REV3L: variants seen among roughly 807,000 people sequenced by gnomAD.
The protein encoded by REV3L is DNA polymerase zeta catalytic subunit.
REV3L carries 69 observed loss-of-function variants against 299.4 expected under a neutral mutation model. The observed-to-expected ratio is 0.23, with a 90% CI of 0.19 to 0.28. REV3L has a LOEUF of 0.28. REV3L is among the 10% of genes least tolerant of loss of function. REV3L has a pLI of 1.00. For missense variants in REV3L, 3,128 were observed against 3,693.8 expected, an observed-to-expected ratio of 0.85 and a Z score of 3.97; for synonymous variants, 1,238 against 1,271.4, an observed-to-expected ratio of 0.97 and a Z score of 0.56.
chr6:111,406,119 A>G (rs1049630508), intron 3 of REV3L, among the ~76,000 whole-genome samples: 29 of 152,214 alleles, frequency 1.9e-4, no homozygotes, highest in African/African-American at 6.8e-4. Context: ...GAAATACATT[A>G]AACATCTAGA....
intron 11 of REV3L, among the ~76,000 whole-genome samples, chr6:111,379,413 T>C (rs909040162): frequency 3.3e-5 from 5 of 152,268 alleles, no homozygotes; most frequent in Admixed American, 6.5e-5. Flanking sequence ...GATTTTTCTA[T>C]ACACAGAGCA....
At chr6:111,450,102 G>A (rs1789321356) in intron 1 of REV3L, among the ~76,000 whole-genome samples, 1 of 152,088 alleles carries the variant, frequency 6.6e-6, no homozygotes, top group South Asian at 2.1e-4. Context: ...TATCAGAAAT[G>A]CCGGAATTAA....
In REV3L at chr6:111,420,594, C is replaced by T. The variant is rs72947107; in HGVS notation, c.140-4122G>A. ...CCAAGAGAAATAAGATCGTCTGTGG[C>T]TGAACAAGCCCATGTACACAGGTTT... On this transcript the variant is annotated intron_variant, in intron 1 of 31. Transcript: ENST00000368802. Among the ~76,000 whole-genome samples, 595 of 152,296 alleles carry T rather than the reference C, an allele frequency of 3.9e-3. 1 individual carries two copies. Among genetic ancestry groups the T allele is most frequent in the Non-Finnish European group, 6.4e-3 (432 of 68,020 alleles).
At position 111,367,413 on chromosome 6, in the gene REV3L, A is replaced by T. The variant is rs1779336805; in HGVS notation, c.6375T>A (p.Ile2125=). 1 of 1,611,138 alleles carries T rather than the reference A, an allele frequency of 6.2e-7. No individual in the cohort carries two copies. Among genetic ancestry groups the T allele is most frequent in the African/African-American group, 1.3e-5 (1 of 74,798 alleles). Residue 2125 remains isoleucine, a synonymous_variant, in exon 14 of 32, where the codon ATT becomes ATA. Transcript: ENST00000368802. ...GGGATATTGGTTGTTGCCAAGGGGG[A>T]ATTACTGGAGAATCAGGGGAGCTAT... ...ISYSSPDSPV[I]PPWQQPISPD... is the part of the protein sequence containing the mutation.
intron 3 of REV3L, among the ~76,000 whole-genome samples, chr6:111,410,191 A>T (rs1248939728): frequency 2.0e-5 from 3 of 152,186 alleles, no homozygotes; most frequent in Non-Finnish European, 4.4e-5. Context: ...TGGGCAACAA[A>T]GCAAGACTGT....
intron 1 of REV3L, among the ~76,000 whole-genome samples, chr6:111,437,944 C>T (rs1787779019): frequency 6.6e-6 from 1 of 152,062 alleles, no homozygotes; most frequent in Admixed American, 6.6e-5. Flanking sequence ...GGTCTGACCA[C>T]CTGGCTCTAG....
chr6:111,326,863 T>G (rs1774884770), intron 25 of REV3L, among the ~76,000 whole-genome samples: 1 of 152,222 alleles, frequency 6.6e-6, no homozygotes, highest in Non-Finnish European at 1.5e-5. Context: ...TGCTAACTTT[T>G]CACTTATTCA....
In REV3L at chr6:111,389,150, C is replaced by T. The variant is rs1380403727; in HGVS notation, c.818G>A (p.Arg273Lys). Reference sequence around the variant, plus strand: ...CATTTGAGAAGTTTCATTTCTGTTTCTTCGCCGTTGCTTTTCATCTTCCCA... The same window carrying T: ...CATTTGAGAAGTTTCATTTCTGTTTTTTCGCCGTTGCTTTTCATCTTCCCA... Reference protein sequence around the residue: ...AIWEDEKQRRRNRNETSQMSQ... With the variant: ...AIWEDEKQRRKNRNETSQMSQ... Residue 273 changes from arginine to lysine, a missense_variant, in exon 7 of 32, where the codon AGA becomes AAA. Around this residue, in one of 9 missense-constraint regions of REV3L, gnomAD observed 2,409 missense variants for 2,611.8 expected, o/e 0.92. Transcript: ENST00000368802. 2 of 1,613,774 alleles carry T rather than the reference C, an allele frequency of 1.2e-6. No individual in the cohort carries two copies. The highest frequency in any genetic ancestry group is 3.3e-5 in the Admixed American group (2 of 59,988).
intron 1 of REV3L, among the ~76,000 whole-genome samples, chr6:111,447,240 C>T (rs151206813): frequency 2.6e-5 from 4 of 152,292 alleles, no homozygotes; most frequent in African/African-American, 9.6e-5. Flanking sequence ...TTGCCAAATA[C>T]CGTACCAGAT....
chr6:111,397,054 T>C (rs1782588021), intron 4 of REV3L, among the ~76,000 whole-genome samples: 1 of 152,144 alleles, frequency 6.6e-6, no homozygotes, highest in African/African-American at 2.4e-5. Context: ...ATTGATCTTT[T>C]CAAAGCACCA....
At chr6:111,382,775 T>C (rs1452666238) in intron 9 of REV3L, among the ~76,000 whole-genome samples, 1 of 152,052 alleles carries the variant, frequency 6.6e-6, no homozygotes, top group East Asian at 1.9e-4. Context: ...TAAAGAATTA[T>C]TTGTGTCACC....
chr6:111,352,545 C>A (rs1434013627), intron 18 of REV3L, among the ~76,000 whole-genome samples: 1 of 152,068 alleles, frequency 6.6e-6, no homozygotes, highest in African/African-American at 2.4e-5. Flanking sequence ...ATCTATACTG[C>A]CCTTAAACAG....
chr6:111,314,911 G>T lies in REV3L; in HGVS notation c.8466+356C>A, dbSNP rs182487786. Among the ~76,000 whole-genome samples, 298 of 150,024 alleles carry T rather than the reference G, an allele frequency of 2.0e-3. 1 individual carries two copies. Among genetic ancestry groups the T allele is most frequent in the African/African-American group, 7.2e-3 (292 of 40,662 alleles). On this transcript the variant is annotated intron_variant, in intron 27 of 31. Coordinates refer to ENST00000368802, the MANE Select transcript of REV3L (RefSeq NM_001372078.1). ...TTGTTCCCCAGGCTGGAGTGCACCGGTCAATCACAGTTCACTGTAACCTTG... is the reference window on the plus strand; with the variant it reads ...TTGTTCCCCAGGCTGGAGTGCACCGTTCAATCACAGTTCACTGTAACCTTG...
Position 111,333,107 on chromosome 6 carries a change from G to A in REV3L, c.7925+16C>T, listed in dbSNP as rs989764065. 8.1e-6 allele frequency: 13 copies of A among 1,611,182 alleles called. No individual in the cohort carries two copies. Among genetic ancestry groups the A allele is most frequent in the Non-Finnish European group, 1.0e-5 (12 of 1,178,692 alleles). ...AAAGCACAACAATATTATTGTAAAT[G>A]TGAAAAAAACCTTACTTTCCCAAGT... is the stretch of plus-strand genomic sequence containing the variant. On this transcript the variant is annotated intron_variant, in intron 23 of 31. Transcript: ENST00000368802.
chr6:111,318,161 C>T (rs1032459122), intron 26 of REV3L, among the ~76,000 whole-genome samples: 7 of 151,740 alleles, frequency 4.6e-5, no homozygotes, highest in African/African-American at 1.7e-4. Context: ...GATCTCGGCT[C>T]ACTGCAAGCT....
At position 111,310,073 on chromosome 6, in the gene REV3L, G is replaced by C; in HGVS notation, c.8822C>G (p.Ser2941Cys). The change falls in exon 30 of 32, where the codon TCT becomes TGT. Residue 2941 changes from serine to cysteine, a missense_variant. By Grantham distance (112) the Ser-to-Cys change is moderately radical. Coordinates refer to ENST00000368802, the MANE Select transcript of REV3L (RefSeq NM_001372078.1). ...TRKMLTYDRRSEPQVGERVPY... is the reference protein window; with the variant it reads ...TRKMLTYDRRCEPQVGERVPY... ...CACTCGCTCCCCAACCTGAGGCTCA[G>C]AGCGCCGGTCATAAGTCAGCATTTT... 6.3e-7 allele frequency: 1 copy of C among 1,583,244 alleles called. No individual in the cohort carries two copies. The highest frequency in any genetic ancestry group is 1.2e-5 in the South Asian group (1 of 86,298).
intron 1 of REV3L, among the ~76,000 whole-genome samples, chr6:111,445,929 G>C (rs1788782146): frequency 1.3e-5 from 2 of 152,174 alleles, no homozygotes; most frequent in South Asian, 4.1e-4. Flanking sequence ...GCATATGAGT[G>C]GGGCTGAAAT....
chr6:111,460,920 G>A (rs999913889), intron 1 of REV3L, among the ~76,000 whole-genome samples: 15 of 152,080 alleles, frequency 9.9e-5, no homozygotes, highest in African/African-American at 2.9e-4. Flanking sequence ...GTAGTACGAT[G>A]AGTTACTCAC....
rs528033050 is a variant in REV3L, at chr6:111,430,494, C to T, written c.140-14022G>A. 10 of 1,543,436 alleles carry T rather than the reference C, an allele frequency of 6.5e-6. No individual in the cohort carries two copies. In the South Asian group the frequency reaches 6.7e-5, roughly 10 times the overall value. On this transcript the variant is annotated intron_variant, in intron 1 of 31. Transcript: ENST00000368802. ...CATTTATTATAAAGCTGCAAAGAAG[C>T]GGTTGCACTCGGGGATGAAAATTCT...
Sources: gnomAD v4.1 joint callset for allele counts (sites outside exome capture counted in the v4.1 genomes callset) on GRCh38, gnomAD v4.1.1 for gene constraint, gnomAD v4.1.1 regional missense constraint, MANE v1.5 for transcripts, NCBI Gene and HGNC (gene_info 2026-07-23, HGNC 2026-07-21) for gene names.